CNBD1: variants seen among roughly 807,000 people sequenced by gnomAD.
CNBD1 encodes the protein cyclic nucleotide-binding domain-containing protein 1.
A neutral mutation model predicts 54.4 loss-of-function variants in CNBD1; 71 were observed. That is an observed-to-expected ratio of 1.30 (90% confidence interval 1.08 to 1.59). CNBD1 has a LOEUF of 1.59. CNBD1 is among the 40% of genes most tolerant of loss of function. CNBD1 has a pLI of 0.00. For missense variants in CNBD1, 659 were observed against 518.0 expected (o/e 1.27, Z -2.64); for synonymous variants, 182 against 170.7 (o/e 1.07, Z -0.51).
intron 2 of CNBD1, among the ~76,000 whole-genome samples, chr8:86,896,281 G>T (rs182451800): frequency 1.3e-5 from 2 of 151,898 alleles, no homozygotes; most frequent in Admixed American, 1.3e-4. Flanking sequence ...ATGTTTGGGG[G>T]TACATGTGAT....
intron 8 of CNBD1, among the ~76,000 whole-genome samples, chr8:87,290,317 T>G (rs1808763022): frequency 6.6e-6 from 1 of 152,142 alleles, no homozygotes; most frequent in African/African-American, 2.4e-5. Flanking sequence ...TTCTAGTCAT[T>G]TTTATTTGTT....
At chr8:86,912,422 A>C (rs1809114668) in intron 3 of CNBD1, among the ~76,000 whole-genome samples, 1 of 152,208 alleles carries the variant, frequency 6.6e-6, no homozygotes, top group South Asian at 2.1e-4. Flanking sequence ...CCAACAGTGG[A>C]TCACATATAC....
intron 4 of CNBD1, among the ~76,000 whole-genome samples, chr8:87,118,642 T>G (rs964930910): frequency 6.6e-6 from 1 of 152,180 alleles, no homozygotes; most frequent in African/African-American, 2.4e-5. Context: ...AGTACCTTGT[T>G]TTTTTGTGCT....
chr8:87,021,038 C>G (rs907675784), intron 4 of CNBD1, among the ~76,000 whole-genome samples: 2 of 152,170 alleles, frequency 1.3e-5, no homozygotes, highest in African/African-American at 4.8e-5. Context: ...AGCCTGGAAG[C>G]CCCTGCTTTT....
chr8:87,349,406 C>G (rs1329294725), intron 8 of CNBD1, among the ~76,000 whole-genome samples: 2 of 152,060 alleles, frequency 1.3e-5, no homozygotes, highest in Admixed American at 6.6e-5. Flanking sequence ...GGCGGAGTCT[C>G]ACTCTGTCGC....
intron 6 of CNBD1, among the ~76,000 whole-genome samples, chr8:87,258,960 A>G (rs78085895): frequency 0.011 from 1,613 of 152,304 alleles, 35 homozygotes; most frequent in African/African-American, 0.036. Flanking sequence ...TTAATTTAAA[A>G]CAATCCTTTA....
chr8:86,977,202 A>G (rs1039434151), intron 4 of CNBD1, among the ~76,000 whole-genome samples: 1 of 152,004 alleles, frequency 6.6e-6, no homozygotes, highest in Non-Finnish European at 1.5e-5. Context: ...ATTTCTTTAA[A>G]AATTCCAACA....
chr8:86,870,290 G>T (rs533131653), intron 1 of CNBD1, among the ~76,000 whole-genome samples: 1 of 148,158 alleles, frequency 6.7e-6, no homozygotes, highest in African/African-American at 2.5e-5. Flanking sequence ...CTGAGTTCAC[G>T]CCATTCTCCT....
At chr8:86,985,685 G>T (rs182839778) in intron 4 of CNBD1, among the ~76,000 whole-genome samples, 318 of 152,230 alleles carry the variant, frequency 2.1e-3, no homozygotes, top group Non-Finnish European at 2.9e-3. Context: ...CTTTTTGGTA[G>T]AATAATTTGT....
At chr8:87,409,017 T>C (rs558594333) in intron 2 of CNBD1, among the ~76,000 whole-genome samples, 1 of 152,214 alleles carries the variant, frequency 6.6e-6, no homozygotes, top group East Asian at 1.9e-4. Flanking sequence ...AGTGGCCTCT[T>C]AAGTTTTCAA....
In CNBD1 at chr8:86,978,572, C is replaced by T. The variant is rs185947490; in HGVS notation, c.431+38818C>T. Among the ~76,000 whole-genome samples the T allele has an allele frequency of 4.3e-3, 447 of 104,876 alleles. 3 individuals carry two copies. Among genetic ancestry groups the T allele is most frequent in the African/African-American group, 0.016 (414 of 26,366 alleles). The allele number at this position is 104,876 out of a possible 152,430, so 68.8% of individuals were successfully genotyped here. ...TTTTTTTTTTTTTGAGGCGAAGTTT[C>T]GCTCTTGTTGCCCAGGCTGGAGTGC... On this transcript the variant is annotated intron_variant, in intron 4 of 10. Coordinates refer to ENST00000518476, the MANE Select transcript of CNBD1 (RefSeq NM_173538.3).
At chr8:86,973,771 A>G (rs1808277206) in intron 4 of CNBD1, among the ~76,000 whole-genome samples, 1 of 152,204 alleles carries the variant, frequency 6.6e-6, no homozygotes, top group Admixed American at 6.5e-5. Context: ...GAGCTGTCTG[A>G]GAGCACTATT....
intron 4 of CNBD1, among the ~76,000 whole-genome samples, chr8:87,183,889 G>T (rs974451882): frequency 2.0e-5 from 3 of 152,164 alleles, no homozygotes; most frequent in African/African-American, 7.2e-5. Flanking sequence ...GCACTTTGGG[G>T]TCAAACACCT....
intron 4 of CNBD1, among the ~76,000 whole-genome samples, chr8:87,107,170 T>A (rs1811557581): frequency 6.6e-6 from 1 of 152,206 alleles, no homozygotes; most frequent in African/African-American, 2.4e-5. Flanking sequence ...GTCTTAAAAG[T>A]AGCATGTCCA....
At chr8:87,315,656 G>A (rs971853799) in intron 8 of CNBD1, among the ~76,000 whole-genome samples, 1 of 151,920 alleles carries the variant, frequency 6.6e-6, no homozygotes. Context: ...TTCCCATTAA[G>A]CTCAACCTTC....
At chr8:87,413,672 C>T (rs996075210) in intron 2 of CNBD1, among the ~76,000 whole-genome samples, 8 of 151,708 alleles carry the variant, frequency 5.3e-5, no homozygotes, top group African/African-American at 1.5e-4. Context: ...AACAAATTTA[C>T]AAGAAAAAAA....
intron 4 of CNBD1, among the ~76,000 whole-genome samples, chr8:86,944,058 G>A (rs1807403660): frequency 1.3e-5 from 2 of 152,132 alleles, no homozygotes; most frequent in Admixed American, 1.3e-4. Flanking sequence ...TGCTGAGGGA[G>A]AAGTGCCCTT....
chr8:87,261,348 A>G (rs965192713), intron 6 of CNBD1, among the ~76,000 whole-genome samples: 1 of 152,064 alleles, frequency 6.6e-6, no homozygotes, highest in African/African-American at 2.4e-5. Context: ...GGGGGTTGCT[A>G]GAAGCTTTAC....
intron 4 of CNBD1, among the ~76,000 whole-genome samples, chr8:87,153,359 T>A (rs539867107): frequency 1.3e-5 from 2 of 152,314 alleles, no homozygotes; most frequent in Non-Finnish European, 2.9e-5. Flanking sequence ...CAAGCTCTTG[T>A]AGAGTTTCTC....
Sources: gnomAD v4.1 joint callset for allele counts (sites outside exome capture counted in the v4.1 genomes callset) on GRCh38, gnomAD v4.1.1 for gene constraint, MANE v1.5 for transcripts, NCBI Gene and HGNC (gene_info 2026-07-23, HGNC 2026-07-21) for gene names.